RBMS2: variants seen among roughly 807,000 people sequenced by gnomAD.
The protein encoded by RBMS2 is RNA binding motif single stranded interacting protein 2, also known as RNA-binding motif, single-stranded-interacting protein 2.
Under a neutral mutation model 58.4 loss-of-function variants are expected in RBMS2, and 38 were observed. That is an observed-to-expected ratio of 0.65 (90% confidence interval 0.50 to 0.85). The LOEUF (loss-of-function observed/expected upper bound fraction) is 0.85. RBMS2 is among the 40% of genes least tolerant of loss of function. The probability of loss-of-function intolerance (pLI) is 0.00; values close to 1 mark genes in which losing one functional copy is unlikely to be tolerated. For synonymous variants in RBMS2, 151 were observed against 180.7 expected (o/e 0.84, Z 1.32); for missense variants, 367 against 503.7 (o/e 0.73, Z 2.60).
At chr12:56,576,971 A>T (rs1409633436) in intron 5 of RBMS2, among the ~76,000 whole-genome samples, 1 of 146,488 alleles carries the variant, frequency 6.8e-6, no homozygotes, top group Non-Finnish European at 1.5e-5. Context: ...AACCTGGGAG[A>T]TGGAGGTTGC....
At chr12:56,540,614 A>AG (rs1290646329) in intron 1 of RBMS2, among the ~76,000 whole-genome samples, 1 of 152,166 alleles carries the variant, frequency 6.6e-6, no homozygotes, top group Non-Finnish European at 1.5e-5. Flanking sequence ...TCCTGGCTTC[A>AG]AGTGATCCTC....
At chr12:56,585,986 T>C (rs1372144133) in intron 9 of RBMS2, among the ~76,000 whole-genome samples, 2 of 152,074 alleles carry the variant, frequency 1.3e-5, no homozygotes, top group East Asian at 3.9e-4. Context: ...AGTTCAAGAC[T>C]AGCCTGGGCA....
At chr12:56,569,833 A>T in intron 3 of RBMS2, 66 bp from the exon 4 acceptor site, 2 of 1,345,232 alleles carry the variant, frequency 1.5e-6, no homozygotes, top group Non-Finnish European at 2.1e-6. Flanking sequence ...CTGTCTCCTG[A>T]AAAGCCTGGA....
At chr12:56,567,708 C>T (rs1881601602) in intron 2 of RBMS2, among the ~76,000 whole-genome samples, 2 of 151,518 alleles carry the variant, frequency 1.3e-5, no homozygotes, top group South Asian at 4.2e-4. Flanking sequence ...CATTGTGGTA[C>T]ACACCTTTGG....
intron 1 of RBMS2, among the ~76,000 whole-genome samples, chr12:56,553,391 T>G (rs1878631491): frequency 6.6e-6 from 1 of 151,766 alleles, no homozygotes; most frequent in Admixed American, 6.6e-5. Flanking sequence ...GGCAGTGGTG[T>G]GATCTCTACT....
At chr12:56,523,881 T>C (rs1165670296) in intron 1 of RBMS2, among the ~76,000 whole-genome samples, 1 of 152,228 alleles carries the variant, frequency 6.6e-6, no homozygotes, top group African/African-American at 2.4e-5. Flanking sequence ...ATTATACGTA[T>C]ATATTTGAAA....
In RBMS2 at chr12:56,591,776, A is replaced by G. The variant is rs60328251; in HGVS notation, c.*2643A>G. 3.3e-5 allele frequency: 5 copies of G among 151,640 alleles called. No individual in the cohort carries two copies. The highest frequency in any genetic ancestry group is 2.0e-4 in the Admixed American group (3 of 15,222). The allele number at this position is 151,640 out of a possible 1,614,324, so 9.4% of individuals were successfully genotyped here. A position where few individuals can be genotyped will look rare whatever the true frequency, so the allele number is the denominator to read the frequency against. ...CTGATTCTGTCTTCTTTCTCTCTCT[A>G]TATATATATTTTAAAATGTTTAAAT... On this transcript the variant is annotated 3_prime_UTR_variant, in exon 14 of 14. Coordinates refer to ENST00000262031, the MANE Select transcript of RBMS2 (RefSeq NM_002898.4).
In RBMS2 at chr12:56,531,958, C is replaced by T. The variant is rs573406874; in HGVS notation, c.66+9869C>T. 1.1e-4 allele frequency among the ~76,000 whole-genome samples: 16 copies of T among 150,880 alleles called. No homozygotes were observed. In the South Asian group the frequency reaches 1.9e-3, roughly 18 times the overall value. ...TTGTGGGCCGGGCACTGTGGCTCAA[C>T]GCTTGTAATTCCAGCACTTTGGGAG... On this transcript the variant is annotated intron_variant, in intron 1 of 13. Transcript: ENST00000262031.
intron 5 of RBMS2, among the ~76,000 whole-genome samples, chr12:56,573,773 C>T (rs1190933423): frequency 2.1e-5 from 3 of 144,670 alleles, no homozygotes; most frequent in African/African-American, 7.8e-5. Flanking sequence ...TTTTTTGAGA[C>T]GGAGTCTCGC....
At chr12:56,533,408 CTTTTTTTTTTTT>C (rs1164155079) in intron 1 of RBMS2, among the ~76,000 whole-genome samples, 6 of 65,306 alleles carry the variant, frequency 9.2e-5, no homozygotes, top group South Asian at 1.7e-3. Context: ...AGCCCTATTA[CTTTTTTTTTTTT>C]TTTTTTTTTT....
chr12:56,545,779 GAATA>G (rs1267974608), intron 1 of RBMS2, among the ~76,000 whole-genome samples: 1 of 152,040 alleles, frequency 6.6e-6, no homozygotes, highest in Admixed American at 6.6e-5. Flanking sequence ...TTTTATGGCT[GAATA>G]AATATTTCAT....
intron 1 of RBMS2, among the ~76,000 whole-genome samples, chr12:56,553,473 G>C (rs758811296): frequency 1.3e-5 from 2 of 151,730 alleles, no homozygotes; most frequent in African/African-American, 4.8e-5. Context: ...GATTATAGGC[G>C]CACACCACCA....
At chr12:56,537,127 G>C (rs1875051238) in intron 1 of RBMS2, among the ~76,000 whole-genome samples, 1 of 151,658 alleles carries the variant, frequency 6.6e-6, no homozygotes, top group African/African-American at 2.4e-5. Context: ...CACCAGGTTG[G>C]TCAGGCTGGC....
Position 56,562,590 on chromosome 12 carries a change from T to A in RBMS2, c.233+7T>A. 1 of 1,611,848 alleles carries A rather than the reference T, an allele frequency of 6.2e-7. No individual in the cohort carries two copies. ...TTGTCAAGCTGTGTCAGCCGTAAGT[T>A]GGAGTACATGTGCGTAGGCTTCCAG... On this transcript the variant is annotated splice_region_variant and intron_variant, in intron 2 of 13. Transcript: ENST00000262031.
At position 56,594,873 on chromosome 12, in the gene RBMS2, ATTTCT is replaced by A. The variant is rs909930491; in HGVS notation, c.*5743_*5747del. 2 of 152,308 alleles carry A rather than the reference ATTTCT, an allele frequency of 1.3e-5. No individual in the cohort carries two copies. The highest frequency in any genetic ancestry group is 2.1e-4 in the South Asian group (1 of 4,828). The allele number at this position is 152,308 out of a possible 1,614,324, so 9.4% of individuals were successfully genotyped here. A position where few individuals can be genotyped will look rare whatever the true frequency, so the allele number is the denominator to read the frequency against. On this transcript the variant is annotated 3_prime_UTR_variant, in exon 14 of 14. Transcript: ENST00000262031. ...AACAGGTAAATACCTGGATTCACTG[ATTTCT>A]TTACTGTCCTTCTCTGAGGGTTGGG...
chr12:56,571,631 G>T (rs1331971694), intron 4 of RBMS2, 67 bp from the exon 5 acceptor site: 11 of 1,388,026 alleles, frequency 7.9e-6, no homozygotes, highest in African/African-American at 3.0e-5. Context: ...TGTCATTTGT[G>T]GGGAGGGCTG....
rs1565792977 is a variant in RBMS2, at chr12:56,593,540, G to C, written c.*4407G>C. 4 of 148,370 alleles carry C rather than the reference G, an allele frequency of 2.7e-5. No homozygotes were observed. The highest frequency in any genetic ancestry group is 6.0e-5 in the Non-Finnish European group (4 of 67,042). 9.2% of individuals were successfully genotyped at this position (148,370 alleles called of 1,614,324 possible). On this transcript the variant is annotated 3_prime_UTR_variant, in exon 14 of 14. Transcript: ENST00000262031. The stretch of plus-strand genomic sequence containing the variant: ...TGAGCCACCACACCTGGCCTTTTCA[G>C]TTTTTTTATTTTTATTTTTTCTTTG...
chr12:56,585,305 A>G (rs916977646), intron 9 of RBMS2, among the ~76,000 whole-genome samples: 2 of 152,246 alleles, frequency 1.3e-5, no homozygotes, highest in Non-Finnish European at 2.9e-5. Flanking sequence ...GCGCCAAATT[A>G]TTAAATAATC....
Position 56,582,044 on chromosome 12 carries a change from G to A in RBMS2, c.780-15G>A, listed in dbSNP as rs1366302415. 2 of 1,592,064 alleles carry A rather than the reference G, an allele frequency of 1.3e-6. No homozygotes were observed. Among genetic ancestry groups the A allele is most frequent in the African/African-American group, 1.3e-5 (1 of 74,328 alleles). The stretch of plus-strand genomic sequence containing the variant: ...TTTCCTGTGACTCAGTACTGATTGA[G>A]GTTCCTTCCCACAGGTTTTACCCAG... On this transcript the variant is annotated splice_polypyrimidine_tract_variant and intron_variant, in intron 8 of 13. Transcript: ENST00000262031.
Sources: allele counts gnomAD v4.1 joint callset (sites outside exome capture counted in the v4.1 genomes callset), GRCh38; gene constraint gnomAD v4.1.1; transcripts MANE v1.5; gene names NCBI Gene and HGNC (gene_info 2026-07-23, HGNC 2026-07-21).